The following UNC5D variants were observed in gnomAD, a reference collection of about 807,000 sequenced individuals.
UNC5D encodes the protein unc-5 netrin receptor D, also known as netrin receptor UNC5D.
Under a neutral mutation model 105.4 loss-of-function variants are expected in UNC5D, and 39 were observed. The observed-to-expected ratio is 0.37, with a 90% CI of 0.29 to 0.48. The LOEUF is 0.48. Ranked by LOEUF, UNC5D falls within the 20% of genes least tolerant of loss-of-function variation. The pLI, the probability that UNC5D is intolerant of heterozygous loss-of-function variation, is 0.98. For missense variants in UNC5D, 991 were observed against 1,202.4 expected (o/e 0.82, Z 2.60); for synonymous variants, 452 against 450.4 (o/e 1.00, Z -0.04).
intron 1 of UNC5D, among the ~76,000 whole-genome samples, chr8:35,539,704 G>A (rs1012793137): frequency 3.9e-5 from 6 of 152,214 alleles, no homozygotes; most frequent in South Asian, 2.1e-4. Flanking sequence ...AAAAAATTCC[G>A]TCGAATCATG....
At chr8:35,766,792 C>T in intron 14 of UNC5D, 110 bp from the exon 15 acceptor site, 7 of 1,275,194 alleles carry the variant, frequency 5.5e-6, no homozygotes, top group South Asian at 4.0e-5. Flanking sequence ...TTGTCCTCAT[C>T]GTTGTTGTTG....
intron 1 of UNC5D, among the ~76,000 whole-genome samples, chr8:35,456,719 G>A (rs1311550223): frequency 1.3e-5 from 2 of 152,170 alleles, no homozygotes; most frequent in East Asian, 3.9e-4. Context: ...TCATCTGTCA[G>A]CATATTTGTT....
At chr8:35,614,655 A>G (rs1308401830) in intron 4 of UNC5D, among the ~76,000 whole-genome samples, 1 of 152,108 alleles carries the variant, frequency 6.6e-6, no homozygotes, top group Non-Finnish European at 1.5e-5. Context: ...AAAATTTGCT[A>G]TGGTAAAAGA....
At chr8:35,269,756 T>A (rs191658194) in intron 1 of UNC5D, among the ~76,000 whole-genome samples, 1 of 152,292 alleles carries the variant, frequency 6.6e-6, no homozygotes, top group Non-Finnish European at 1.5e-5. Flanking sequence ...GTCTATTTCA[T>A]TTCATCTGAA....
intron 1 of UNC5D, among the ~76,000 whole-genome samples, chr8:35,444,060 G>T (rs1050587182): frequency 6.6e-6 from 1 of 151,960 alleles, no homozygotes; most frequent in African/African-American, 2.4e-5. Context: ...TGATTTGGTA[G>T]TCTTTCTTAT....
chr8:35,714,858 A>C (rs1429202248), intron 8 of UNC5D, among the ~76,000 whole-genome samples: 1 of 152,236 alleles, frequency 6.6e-6, no homozygotes, highest in Non-Finnish European at 1.5e-5. Context: ...CAAATGAAAA[A>C]GGAATGAAGC....
intron 5 of UNC5D, among the ~76,000 whole-genome samples, chr8:35,684,025 T>C (rs903777765): frequency 1.8e-4 from 28 of 152,174 alleles, no homozygotes; most frequent in Non-Finnish European, 2.6e-4. Flanking sequence ...TTGAAAAGAA[T>C]TGAGATGGGC....
chr8:35,341,625 G>A (rs1272326484), intron 1 of UNC5D, among the ~76,000 whole-genome samples: 2 of 152,002 alleles, frequency 1.3e-5, no homozygotes. Flanking sequence ...AGAAGAAAGT[G>A]GAGATGCTTA....
Position 35,251,293 on chromosome 8 carries a change from A to C in UNC5D, c.103+15406A>C, listed in dbSNP as rs150209637. On this transcript the variant is annotated intron_variant, in intron 1 of 16. Transcript: ENST00000404895. Reference sequence around the variant, plus strand: ...GGGAAGAAAACATGTCCTAATTCACATGGTGGCAGCAAGAAGTGCTGAGCA... The same window carrying C: ...GGGAAGAAAACATGTCCTAATTCACCTGGTGGCAGCAAGAAGTGCTGAGCA... 3.9e-5 allele frequency among the ~76,000 whole-genome samples: 6 copies of C among 152,256 alleles called. No individual in the cohort carries two copies. In the East Asian group the frequency reaches 1.2e-3, roughly 29 times the overall value.
chr8:35,519,082 A>T (rs1277996414), intron 1 of UNC5D, among the ~76,000 whole-genome samples: 4 of 152,096 alleles, frequency 2.6e-5, no homozygotes, highest in Non-Finnish European at 5.9e-5. Context: ...ATCCCATACG[A>T]TGATTTAAAG....
At chr8:35,655,892 C>T (rs1303119667) in intron 4 of UNC5D, among the ~76,000 whole-genome samples, 1 of 152,146 alleles carries the variant, frequency 6.6e-6, no homozygotes, top group Non-Finnish European at 1.5e-5. Flanking sequence ...GTAATTTAAG[C>T]AGTGCAAAGC....
At chr8:35,663,473 A>C (rs1174360602) in intron 4 of UNC5D, among the ~76,000 whole-genome samples, 3 of 152,224 alleles carry the variant, frequency 2.0e-5, no homozygotes, top group Non-Finnish European at 2.9e-5. Flanking sequence ...TAAAGGTAGC[A>C]TGTGAGTGTT....
At position 35,409,805 on chromosome 8, in the gene UNC5D, C is replaced by T. The variant is rs1805040376; in HGVS notation, c.104-139487C>T. 5.3e-5 allele frequency among the ~76,000 whole-genome samples: 8 copies of T among 152,054 alleles called. No homozygotes were observed. The South Asian group carries it at 1.7e-3, about 32-fold the overall frequency. ...ATGTCACATCTAAACCCATCATCAC[C>T]AAACTTAATATGCAGATTTCCTCCT... On this transcript the variant is annotated intron_variant, in intron 1 of 16. Coordinates refer to ENST00000404895, the MANE Select transcript of UNC5D (RefSeq NM_080872.4).
intron 1 of UNC5D, among the ~76,000 whole-genome samples, chr8:35,383,849 CAGG>C (rs1803195086): frequency 6.6e-6 from 1 of 152,076 alleles, no homozygotes; most frequent in Non-Finnish European, 1.5e-5. Context: ...GAGGAGGAAG[CAGG>C]AGAATTGCTT....
At chr8:35,575,099 T>A (rs968412104) in intron 3 of UNC5D, among the ~76,000 whole-genome samples, 2 of 151,956 alleles carry the variant, frequency 1.3e-5, no homozygotes, top group Non-Finnish European at 2.9e-5. Flanking sequence ...TCTAACTGAG[T>A]TTTCAAAGCA....
At chr8:35,375,636 AC>A (rs1418569446) in intron 1 of UNC5D, among the ~76,000 whole-genome samples, 6 of 152,216 alleles carry the variant, frequency 3.9e-5, no homozygotes, top group African/African-American at 1.2e-4. Context: ...GTTACAAATC[AC>A]CAACATTTGA....
intron 1 of UNC5D, among the ~76,000 whole-genome samples, chr8:35,384,978 G>A (rs1803293396): frequency 6.6e-6 from 1 of 152,168 alleles, no homozygotes; most frequent in Non-Finnish European, 1.5e-5. Flanking sequence ...GGGAACATCA[G>A]GTCTAGGTCC....
chr8:35,450,586 T>C (rs986687824), intron 1 of UNC5D, among the ~76,000 whole-genome samples: 2 of 152,196 alleles, frequency 1.3e-5, no homozygotes, highest in Non-Finnish European at 2.9e-5. Context: ...CTATATATTA[T>C]GTATTGATTA....
At chr8:35,728,670 T>C (rs1829023619) in intron 10 of UNC5D, among the ~76,000 whole-genome samples, 1 of 152,168 alleles carries the variant, frequency 6.6e-6, no homozygotes, top group Admixed American at 6.6e-5. Flanking sequence ...GCACTGAAAT[T>C]AGATTGCTCT....
Sources: allele counts gnomAD v4.1 joint callset (sites outside exome capture counted in the v4.1 genomes callset), GRCh38; gene constraint gnomAD v4.1.1; transcripts MANE v1.5; gene names NCBI Gene and HGNC (gene_info 2026-07-23, HGNC 2026-07-21).